UBA6: variants seen among roughly 807,000 people sequenced by gnomAD.
The protein encoded by UBA6 is ubiquitin-like modifier-activating enzyme 6.
UBA6 carries 87 observed loss-of-function variants against 148.3 expected under a neutral mutation model. The ratio of observed to expected loss-of-function variants is 0.59; its 90% CI spans 0.49 to 0.70. UBA6 has a LOEUF of 0.70. Ranked by LOEUF, UBA6 falls within the 30% of genes least tolerant of loss-of-function variation. The pLI, the probability that UBA6 is intolerant of heterozygous loss-of-function variation, is 0.00. For synonymous variants in UBA6, 376 were observed against 401.0 expected (o/e 0.94, Z 0.75); for missense variants, 1,186 against 1,241.2 (o/e 0.96, Z 0.67).
chr4:67,681,606 GA>G lies in UBA6; in HGVS notation c.230-16del. 2.5e-6 allele frequency: 4 copies of G among 1,573,796 alleles called. No individual in the cohort carries two copies. Among genetic ancestry groups the G allele is most frequent in the Admixed American group, 2.0e-5 (1 of 51,050 alleles). ...AAGATTCTTTGCTAGAAAGGCAAAA[GA>G]AAAAGGAATAGCTCAATATTGGGAA... On this transcript the variant is annotated splice_polypyrimidine_tract_variant and intron_variant, in intron 3 of 32. Coordinates refer to ENST00000322244, the MANE Select transcript of UBA6 (RefSeq NM_018227.6).
Position 67,616,088 on chromosome 4 carries a change from TA to T in UBA6, c.*2908del. On this transcript the variant is annotated 3_prime_UTR_variant, in exon 33 of 33. Coordinates refer to ENST00000322244, the MANE Select transcript of UBA6 (RefSeq NM_018227.6). ...ATATTTCTCAATAAAAAAACAAAGT[TA>T]TGACATAGAGCAAAATGAACACATA... 1 of 395,818 alleles carries T rather than the reference TA, an allele frequency of 2.5e-6. No individual in the cohort carries two copies. The highest frequency in any genetic ancestry group is 4.5e-6 in the Non-Finnish European group (1 of 224,196). 24.5% of individuals were successfully genotyped at this position (395,818 alleles called of 1,614,324 possible).
chr4:67,662,102 G>A (rs1729872477), intron 13 of UBA6, 87 bp downstream of exon 13: 1 of 1,287,770 alleles, frequency 7.8e-7, no homozygotes, highest in Non-Finnish European at 1.1e-6. Context: ...AGCAAAGCTG[G>A]ATGTGAAGGA....
At chr4:67,634,180 T>C (rs1353164076) in intron 22 of UBA6, 62 bp downstream of exon 22, 16 of 1,193,856 alleles carry the variant, frequency 1.3e-5, no homozygotes, top group African/African-American at 6.2e-5. Context: ...TGTAGATGAC[T>C]TGAAAATAAG....
chr4:67,662,268 A>C lies in UBA6; in HGVS notation c.1038-13T>G. Reference sequence around the variant, plus strand: ...ATCTTGTTGGCATCTACAACTCAAAACAGAACACCCTAACTTTAATTTTCT... The same window carrying C: ...ATCTTGTTGGCATCTACAACTCAAACCAGAACACCCTAACTTTAATTTTCT... On this transcript the variant is annotated splice_polypyrimidine_tract_variant and intron_variant, in intron 12 of 32. Transcript: ENST00000322244. 2.5e-6 allele frequency: 4 copies of C among 1,611,780 alleles called. No individual in the cohort carries two copies. Among genetic ancestry groups the C allele is most frequent in the Non-Finnish European group, 3.4e-6 (4 of 1,178,808 alleles).
At chr4:67,680,059 A>G (rs1287990272) in intron 4 of UBA6, among the ~76,000 whole-genome samples, 1 of 152,218 alleles carries the variant, frequency 6.6e-6, no homozygotes, top group Non-Finnish European at 1.5e-5. Flanking sequence ...CTACGAAATG[A>G]TGACAGGAAA....
At position 67,618,920 on chromosome 4, in the gene UBA6, G is replaced by T; in HGVS notation, c.*77C>A. ...AGAGAAATCCATAGTATTATGAACT[G>T]ATTTTCTTTAGCTTCTGAATTAAGT... On this transcript the variant is annotated 3_prime_UTR_variant, in exon 33 of 33. Transcript: ENST00000322244. 7.0e-7 allele frequency: 1 copy of T among 1,434,704 alleles called. No individual in the cohort carries two copies. The highest frequency in any genetic ancestry group is 9.6e-7 in the Non-Finnish European group (1 of 1,045,660). The allele number at this position is 1,434,704 out of a possible 1,614,324, so 88.9% of individuals were successfully genotyped here. A position where few individuals can be genotyped will look rare whatever the true frequency, so the allele number is the denominator to read the frequency against.
At chr4:67,659,468 A>C (rs192178896) in intron 13 of UBA6, among the ~76,000 whole-genome samples, 81 of 151,254 alleles carry the variant, frequency 5.4e-4, no homozygotes, top group African/African-American at 1.9e-3. Context: ...GCTTGCACTC[A>C]CTCTGTCTTG....
At chr4:67,641,048 TA>T in intron 18 of UBA6, 102 bp downstream of exon 18, 1 of 728,676 alleles carries the variant, frequency 1.4e-6, no homozygotes, top group Non-Finnish European at 2.3e-6. Context: ...TGAAAGTTTC[TA>T]ATAAAATAAC....
chr4:67,673,468 C>T (rs1730200256), intron 7 of UBA6, among the ~76,000 whole-genome samples: 2 of 151,388 alleles, frequency 1.3e-5, no homozygotes, highest in East Asian at 3.8e-4. Context: ...GTTTATCATC[C>T]TTTCCATTCC....
intron 32 of UBA6, among the ~76,000 whole-genome samples, chr4:67,619,894 C>T (rs888431531): frequency 2.0e-5 from 3 of 151,672 alleles, no homozygotes; most frequent in Admixed American, 1.3e-4. Flanking sequence ...TTCTAGCTAG[C>T]TTTCTCTAGT....
At chr4:67,650,003 T>C (rs1434453795) in intron 13 of UBA6, among the ~76,000 whole-genome samples, 1 of 152,128 alleles carries the variant, frequency 6.6e-6, no homozygotes, top group Non-Finnish European at 1.5e-5. Context: ...TCAAAAATAT[T>C]TGTGACACAA....
chr4:67,663,343 T>C, intron 11 of UBA6, 128 bp from the exon 12 acceptor site: 3 of 581,014 alleles, frequency 5.2e-6, no homozygotes, highest in Non-Finnish European at 9.1e-6. Flanking sequence ...TGTTATTAAC[T>C]CTATTTAACA....
chr4:67,699,092 G>C (rs141780153), intron 1 of UBA6, among the ~76,000 whole-genome samples: 2 of 152,078 alleles, frequency 1.3e-5, no homozygotes, highest in African/African-American at 4.8e-5. Context: ...AGCAGTGCTC[G>C]TCCCATTTTC....
intron 2 of UBA6, among the ~76,000 whole-genome samples, chr4:67,684,763 T>C (rs1730518481): frequency 6.6e-6 from 1 of 152,208 alleles, no homozygotes; most frequent in South Asian, 2.1e-4. Flanking sequence ...ACTACAACCA[T>C]AAATTTGTCT....
At chr4:67,667,909 A>G (rs1005330171) in intron 9 of UBA6, among the ~76,000 whole-genome samples, 3 of 152,184 alleles carry the variant, frequency 2.0e-5, no homozygotes, top group Admixed American at 1.3e-4. Context: ...TGCAGACACG[A>G]CATTCATCCC....
intron 2 of UBA6, among the ~76,000 whole-genome samples, chr4:67,686,952 TAAAAAAAAAAAAAAAAAAAAAA>T (rs546442640): frequency 6.3e-4 from 36 of 57,186 alleles, no homozygotes; most frequent in Middle Eastern, 9.4e-3. Flanking sequence ...ATCCTGTCTC[TAAAAAAAAAAAAAAAAAAAAAA>T]AAAAAAAAAA....
At chr4:67,627,600 C>A (rs1728897643) in intron 27 of UBA6, among the ~76,000 whole-genome samples, 2 of 151,856 alleles carry the variant, frequency 1.3e-5, no homozygotes, top group Admixed American at 6.6e-5. Context: ...TCTGTTTATC[C>A]TCACCCTATT....
In UBA6 at chr4:67,618,704, CT is replaced by C; in HGVS notation, c.*292del. Reference sequence around the variant, plus strand: ...TTCTGGTCATACATATTTTTTCCTTCTTTTTATCCAGAGAGATTAATACACA... The same window carrying C: ...TTCTGGTCATACATATTTTTTCCTTCTTTTATCCAGAGAGATTAATACACA... On this transcript the variant is annotated 3_prime_UTR_variant, in exon 33 of 33. Transcript: ENST00000322244. The C allele has an allele frequency of 8.5e-6, 2 of 234,894 alleles. No homozygotes were observed. The highest frequency in any genetic ancestry group is 1.6e-5 in the Non-Finnish European group (2 of 122,686). The allele number at this position is 234,894 out of a possible 1,614,324, so 14.6% of individuals were successfully genotyped here.
intron 2 of UBA6, among the ~76,000 whole-genome samples, chr4:67,692,859 T>C (rs1730727403): frequency 6.6e-6 from 1 of 152,210 alleles, no homozygotes; most frequent in South Asian, 2.1e-4. Context: ...TGGAAGATTA[T>C]ACCATTGAAG....
Sources: allele counts gnomAD v4.1 joint callset (sites outside exome capture counted in the v4.1 genomes callset), GRCh38; gene constraint gnomAD v4.1.1; transcripts MANE v1.5; gene names NCBI Gene and HGNC (gene_info 2026-07-23, HGNC 2026-07-21).